Variants in RABEP2 observed in about 807,000 individuals in gnomAD.
RABEP2 encodes the protein rab GTPase-binding effector protein 2.
A neutral mutation model predicts 74.1 loss-of-function variants in RABEP2; 57 were observed. The observed-to-expected ratio is 0.77, with a 90% CI of 0.62 to 0.96. The LOEUF (loss-of-function observed/expected upper bound fraction) is 0.96. Ranked by LOEUF, RABEP2 falls within the 40% of genes least tolerant of loss-of-function variation. The probability of loss-of-function intolerance (pLI) is 0.00; values close to 1 mark genes in which losing one functional copy is unlikely to be tolerated. For synonymous variants in RABEP2, 351 were observed against 344.0 expected, an observed-to-expected ratio of 1.02 and a Z score of -0.23; for missense variants, 692 against 756.3, an observed-to-expected ratio of 0.91 and a Z score of 1.00.
rs1260158411 is a variant in RABEP2, at chr16:28,904,922, G to A, written c.*21C>T. 6.4e-7 allele frequency: 1 copy of A among 1,569,486 alleles called. No homozygotes were observed. Among genetic ancestry groups the A allele is most frequent in the Non-Finnish European group, 8.8e-7 (1 of 1,141,976 alleles). ...GGGAAAGGCGTCTTTCCCAGGGTGG[G>A]GGTGGGGATATCCTGACCCCTCAGG... On this transcript the variant is annotated 3_prime_UTR_variant, in exon 13 of 13. Transcript: ENST00000358201.
At chr16:28,919,578 G>A in intron 3 of RABEP2, 4 of 427,654 alleles carry the variant, frequency 9.4e-6, no homozygotes, top group Non-Finnish European at 1.6e-5. Flanking sequence ...TAATTTTGGA[G>A]CTAAGCGAAC....
intron 5 of RABEP2, among the ~76,000 whole-genome samples, chr16:28,913,766 C>T (rs896944546): frequency 2.7e-5 from 4 of 150,684 alleles, no homozygotes; most frequent in Non-Finnish European, 5.9e-5. Flanking sequence ...CATGAACCAC[C>T]GCACCCGGCC....
chr16:28,904,605 T>TG lies in RABEP2; in HGVS notation c.*337dup. 1.8e-6 allele frequency: 2 copies of TG among 1,131,206 alleles called. No individual in the cohort carries two copies. The highest frequency in any genetic ancestry group is 2.4e-6 in the Non-Finnish European group (2 of 838,760). 70.1% of individuals were successfully genotyped at this position (1,131,206 alleles called of 1,614,324 possible). On this transcript the variant is annotated 3_prime_UTR_variant, in exon 13 of 13. Coordinates refer to ENST00000358201, the MANE Select transcript of RABEP2 (RefSeq NM_024816.3). ...CTCTGATGGGGACTCCCAGCCCCCA[T>TG]GGCTCCGCTGTGCCCTGGGCAGGGG...
chr16:28,906,093 C>T lies in RABEP2; in HGVS notation c.1349G>A (p.Arg450Gln), dbSNP rs781318547. 33 of 1,595,838 alleles carry T rather than the reference C, an allele frequency of 2.1e-5. 1 individual carries two copies. The highest frequency in any genetic ancestry group is 1.6e-4 in the African/African-American group (12 of 74,746). ...ERLRIEIVTL[R>Q]EALEEETVAR... Reference sequence around the variant, plus strand: ...CACTGTCTCCTCCTCCAGAGCCTCCCGCAGCGTCACGATCTCGATCCGCAG... The same window carrying T: ...CACTGTCTCCTCCTCCAGAGCCTCCTGCAGCGTCACGATCTCGATCCGCAG... The change falls in exon 9 of 13, where the codon CGG becomes CAG. Residue 450 changes from arginine to glutamine, a missense_variant. By Grantham distance (43) the Arg-to-Gln change is conservative. Transcript: ENST00000358201.
intron 3 of RABEP2, among the ~76,000 whole-genome samples, chr16:28,915,117 G>A (rs1964372059): frequency 1.3e-5 from 2 of 149,158 alleles, no homozygotes; most frequent in South Asian, 4.4e-4. Flanking sequence ...CTGGAGTGCA[G>A]TGGCACAATC....
In RABEP2 at chr16:28,919,556, C is replaced by T. The variant is rs1186741204; in HGVS notation, c.432+230G>A. The T allele has an allele frequency of 2.2e-5, 9 of 409,086 alleles. 1 individual carries two copies. The highest frequency in any genetic ancestry group is 1.0e-4 in the African/African-American group (5 of 49,646). 25.3% of individuals were successfully genotyped at this position (409,086 alleles called of 1,614,324 possible). ...TTAAGTGTAAGTTCCCTTCCCTCTA[C>T]ATAACTTAAGTTAATTTTGGAGCTA... On this transcript the variant is annotated intron_variant, in intron 3 of 12. Coordinates refer to ENST00000358201, the MANE Select transcript of RABEP2 (RefSeq NM_024816.3).
At chr16:28,919,641 A>C in intron 3 of RABEP2, 145 bp downstream of exon 3, 1 of 943,936 alleles carries the variant, frequency 1.1e-6, no homozygotes, top group Non-Finnish European at 1.5e-6. Flanking sequence ...CACAGAGCCA[A>C]GCTCTCAACA....
Position 28,904,500 on chromosome 16 carries a change from C to T in RABEP2, c.*443G>A. 2.7e-6 allele frequency: 4 copies of T among 1,487,914 alleles called. No homozygotes were observed. Among genetic ancestry groups the T allele is most frequent in the Middle Eastern group, 1.8e-4 (1 of 5,480 alleles). 92.2% of individuals were successfully genotyped at this position (1,487,914 alleles called of 1,614,324 possible). ...TCTGTGCAAGCTTGGAGGCCTGGGT[C>T]GCCGCTGTGGACAAGCGTCTTAGTG... On this transcript the variant is annotated 3_prime_UTR_variant, in exon 13 of 13. Transcript: ENST00000358201.
At chr16:28,906,976 T>TA (rs1323499966) in intron 8 of RABEP2, among the ~76,000 whole-genome samples, 1 of 151,562 alleles carries the variant, frequency 6.6e-6, no homozygotes, top group African/African-American at 2.4e-5. Flanking sequence ...AAAAATAAAA[T>TA]AAAATAAACC....
chr16:28,916,560 A>G (rs1277646227), intron 3 of RABEP2, among the ~76,000 whole-genome samples: 1 of 150,894 alleles, frequency 6.6e-6, no homozygotes, highest in East Asian at 1.9e-4. Context: ...AATCCCAGCT[A>G]CTCAGGGAGG....
At chr16:28,923,611 A>G (rs1307798249) in intron 2 of RABEP2, among the ~76,000 whole-genome samples, 6 of 152,218 alleles carry the variant, frequency 3.9e-5, no homozygotes, top group African/African-American at 1.4e-4. Context: ...TTGCACAGGC[A>G]GGTGGATCCT....
At chr16:28,921,087 C>T (rs1026090802) in intron 2 of RABEP2, 4 of 444,050 alleles carry the variant, frequency 9.0e-6, no homozygotes, top group Non-Finnish European at 1.4e-5. Context: ...TGGTCTTGAA[C>T]TCCTGAGCTC....
Position 28,906,148 on chromosome 16 carries a change from G to A in RABEP2, c.1294C>T (p.Leu432=). 1 of 1,586,738 alleles carries A rather than the reference G, an allele frequency of 6.3e-7. No homozygotes were observed. Among genetic ancestry groups the A allele is most frequent in the Non-Finnish European group, 8.5e-7 (1 of 1,170,812 alleles). Reference sequence around the variant, plus strand: ...TCGGCCCCGTGCTCCTGGGCCTGCAGCCGGGCCCTCGCCTCTTGCCGCGTG... The same window carrying A: ...TCGGCCCCGTGCTCCTGGGCCTGCAACCGGGCCCTCGCCTCTTGCCGCGTG... ...CCTRQEARAR[L]QAQEHGAERL... is the part of the protein sequence containing the mutation. Residue 432 remains leucine (L), a synonymous_variant, in exon 9 of 13, where the codon CTG becomes TTG. Coordinates refer to ENST00000358201, the MANE Select transcript of RABEP2 (RefSeq NM_024816.3).
At chr16:28,925,034 G>T in intron 1 of RABEP2, 69 bp downstream of exon 1, 2 of 1,129,894 alleles carry the variant, frequency 1.8e-6, no homozygotes, top group East Asian at 3.2e-5. Context: ...CCCCCCATCC[G>T]CAGGTGGCTG....
chr16:28,904,664 G>A lies in RABEP2; in HGVS notation c.*279C>T, dbSNP rs1437063501. 9.7e-6 allele frequency: 7 copies of A among 725,338 alleles called. No individual in the cohort carries two copies. The highest frequency in any genetic ancestry group is 1.5e-5 in the Non-Finnish European group (7 of 474,266). The allele number at this position is 725,338 out of a possible 1,614,324, so 44.9% of individuals were successfully genotyped here. On this transcript the variant is annotated 3_prime_UTR_variant, in exon 13 of 13. Coordinates refer to ENST00000358201, the MANE Select transcript of RABEP2 (RefSeq NM_024816.3). ...GGGGCAGGGGAGGGCTGGAGCCCAG[G>A]AGGCAGCACAGCAGCCAGAAAGCCG...
chr16:28,916,539 T>C (rs1228640202), intron 3 of RABEP2, among the ~76,000 whole-genome samples: 5 of 151,632 alleles, frequency 3.3e-5, no homozygotes, highest in Admixed American at 2.6e-4. Flanking sequence ...GGCGTGGCAG[T>C]GGGCACCTGT....
chr16:28,916,658 T>C (rs1964397564), intron 3 of RABEP2, among the ~76,000 whole-genome samples: 1 of 111,510 alleles, frequency 9.0e-6, no homozygotes, highest in African/African-American at 3.6e-5. Context: ...GGCGACAGAC[T>C]GAGACTCTTG....
chr16:28,914,655 C>G lies in RABEP2; in HGVS notation c.543+17G>C. The G allele has an allele frequency of 6.2e-7, 1 of 1,613,592 alleles. No individual in the cohort carries two copies. Among genetic ancestry groups the G allele is most frequent in the East Asian group, 2.2e-5 (1 of 44,856 alleles). Reference sequence around the variant, plus strand: ...TGGCACCCCTCCTTCCCCAGCGCCCCCTGGCCGTGCCCTCACCTGGATCTC... The same window carrying G: ...TGGCACCCCTCCTTCCCCAGCGCCCGCTGGCCGTGCCCTCACCTGGATCTC... On this transcript the variant is annotated intron_variant, in intron 4 of 12. Transcript: ENST00000358201.
chr16:28,905,310 C>G, intron 12 of RABEP2, 87 bp downstream of exon 12: 1 of 982,872 alleles, frequency 1.0e-6, no homozygotes, highest in Non-Finnish European at 1.6e-6. Context: ...AAAGGACTCC[C>G]CTAACCAGGG....
Sources: gnomAD v4.1 joint callset for allele counts (sites outside exome capture counted in the v4.1 genomes callset) on GRCh38, gnomAD v4.1.1 for gene constraint, MANE v1.5 for transcripts, NCBI Gene and HGNC (gene_info 2026-07-23, HGNC 2026-07-21) for gene names.